RASA2: variants seen among roughly 807,000 people sequenced by gnomAD.
The protein encoded by RASA2 is RAS p21 protein activator 2.
Under a neutral mutation model 118.2 loss-of-function variants are expected in RASA2, and 155 were observed. The ratio of observed to expected loss-of-function variants is 1.31; its 90% CI spans 1.15 to 1.50. RASA2 has a LOEUF of 1.50. Ranked by LOEUF, RASA2 falls within the 40% of genes most tolerant of loss-of-function variation. The pLI is 0.00. For synonymous variants in RASA2, 353 were observed against 349.1 expected (o/e 1.01, Z -0.12); for missense variants, 1,016 against 1,009.6 (o/e 1.01, Z -0.09).
chr3:141,571,575 A>G, intron 11 of RASA2, 21 bp downstream of exon 11: 1 of 1,574,988 alleles, frequency 6.3e-7, no homozygotes, highest in Non-Finnish European at 8.6e-7. Flanking sequence ...TATTTTATTA[A>G]ATGTTAATTA....
intron 14 of RASA2, among the ~76,000 whole-genome samples, chr3:141,575,861 C>A (rs946045766): frequency 6.6e-6 from 1 of 152,142 alleles, no homozygotes; most frequent in Admixed American, 6.5e-5. Context: ...ATGGCACAAT[C>A]TCGGCTCACT....
intron 17 of RASA2, among the ~76,000 whole-genome samples, chr3:141,584,280 G>A (rs1249953754): frequency 1.4e-5 from 2 of 138,350 alleles, no homozygotes; most frequent in East Asian, 2.2e-4. Context: ...GAAGTGAGCC[G>A]AGATCGCACC....
Position 141,559,969 on chromosome 3 carries a change from A to G in RASA2, c.837A>G (p.Leu279=). ...LGEIKVPVNV[L]RTDSSHQAWY... The stretch of plus-strand genomic sequence containing the variant: ...AGATTAAGGTTCCTGTGAACGTATT[A>G]AGAACTGATTCCTCTCATCAAGCCT... The change falls in exon 9 of 24, where the codon TTA becomes TTG. Residue 279 remains leucine (L), a synonymous_variant. Transcript: ENST00000286364. 6.2e-7 allele frequency: 1 copy of G among 1,613,188 alleles called. No individual in the cohort carries two copies. The highest frequency in any genetic ancestry group is 8.5e-7 in the Non-Finnish European group (1 of 1,179,326).
At chr3:141,534,626 T>G (rs2151097814) in intron 4 of RASA2, among the ~76,000 whole-genome samples, 1 of 152,166 alleles carries the variant, frequency 6.6e-6, no homozygotes, top group East Asian at 1.9e-4. Context: ...CTTACCTGTT[T>G]AAAAAGACAT....
chr3:141,517,945 G>C (rs1009588608), intron 3 of RASA2, among the ~76,000 whole-genome samples: 1 of 152,034 alleles, frequency 6.6e-6, no homozygotes, highest in African/African-American at 2.4e-5. Flanking sequence ...GTCAGCCACT[G>C]CTCCCGGCCA....
chr3:141,533,154 C>G (rs1255644044), intron 4 of RASA2, among the ~76,000 whole-genome samples: 1 of 152,132 alleles, frequency 6.6e-6, no homozygotes, highest in Non-Finnish European at 1.5e-5. Context: ...GCTTCCTCAC[C>G]TCCAACATCT....
Position 141,557,090 on chromosome 3 carries a change from G to A in RASA2, c.684+1178G>A, listed in dbSNP as rs189891529. 1.4e-3 allele frequency among the ~76,000 whole-genome samples: 217 copies of A among 152,234 alleles called. 2 individuals are homozygous for A. The South Asian group carries it at 0.018, about 12-fold the overall frequency. ...AGCCCACATACCTTAAACCTCAGCTGGATGGAATCTACTCTGCTTCATGGA... is the reference window on the plus strand; with the variant it reads ...AGCCCACATACCTTAAACCTCAGCTAGATGGAATCTACTCTGCTTCATGGA... On this transcript the variant is annotated intron_variant, in intron 7 of 23. Coordinates refer to ENST00000286364, the MANE Select transcript of RASA2 (RefSeq NM_006506.5).
At chr3:141,586,813 C>A in intron 19 of RASA2, 61 bp downstream of exon 19, 2 of 1,348,064 alleles carry the variant, frequency 1.5e-6, no homozygotes, top group South Asian at 1.2e-5. Context: ...GTTTCTTTGC[C>A]GCTTATTGTG....
chr3:141,594,518 T>C (rs1169533140), intron 19 of RASA2, among the ~76,000 whole-genome samples: 1 of 151,852 alleles, frequency 6.6e-6, no homozygotes, highest in Non-Finnish European at 1.5e-5. Flanking sequence ...AGAGAAAATC[T>C]TGCAAGCAGA....
At chr3:141,556,261 A>G (rs1282077813) in intron 7 of RASA2, among the ~76,000 whole-genome samples, 1 of 152,178 alleles carries the variant, frequency 6.6e-6, no homozygotes, top group African/African-American at 2.4e-5. Flanking sequence ...GACAGTCACT[A>G]GTGAAGTAAG....
At chr3:141,565,089 G>A (rs142219991) in intron 9 of RASA2, among the ~76,000 whole-genome samples, 2,015 of 152,118 alleles carry the variant, frequency 0.013, 59 homozygotes, top group African/African-American at 0.046. Flanking sequence ...GGGTTCAAGC[G>A]ATTCTCCTGC....
At chr3:141,520,982 G>T (rs1332118598) in intron 3 of RASA2, among the ~76,000 whole-genome samples, 2 of 152,156 alleles carry the variant, frequency 1.3e-5, no homozygotes, top group South Asian at 2.1e-4. Context: ...AGTTTAAAAT[G>T]GTCTTGTTTG....
chr3:141,597,704 C>G (rs2083395012), intron 19 of RASA2, among the ~76,000 whole-genome samples: 1 of 150,750 alleles, frequency 6.6e-6, no homozygotes, highest in African/African-American at 2.4e-5. Flanking sequence ...AGAAAATAAA[C>G]CTAAAGTTAA....
Position 141,609,433 on chromosome 3 carries a change from G to A in RASA2, c.2239G>A (p.Asp747Asn). 1.9e-6 allele frequency: 3 copies of A among 1,584,610 alleles called. No individual in the cohort carries two copies. The highest frequency in any genetic ancestry group is 1.7e-6 in the Non-Finnish European group (2 of 1,161,300). Residue 747 changes from aspartate to asparagine, a missense_variant, in exon 22 of 24, where the codon GAC becomes AAC. By Grantham distance (23) the Asp-to-Asn change is conservative. This residue lies in a region of RASA2 where 120 missense variants were observed against 173.2 expected (regional missense o/e 0.69). Coordinates refer to ENST00000286364, the MANE Select transcript of RASA2 (RefSeq NM_006506.5). ...TTTTTACCATAGAGGTGTCCCTGCA[G>A]ACATCCAAATAGATATTGATGAAGA... Reference protein sequence around the residue: ...CKPCTAGVPADIQIDIDEDRE... With the variant: ...CKPCTAGVPANIQIDIDEDRE...
Position 141,610,444 on chromosome 3 carries a change from T to G in RASA2, c.2519+378T>G, listed in dbSNP as rs1231772754. On this transcript the variant is annotated intron_variant, in intron 23 of 23. Coordinates refer to ENST00000286364, the MANE Select transcript of RASA2 (RefSeq NM_006506.5). Reference sequence around the variant, plus strand: ...TATATATTATATATTTATATTTATATATTATATATTTATATTTATATATTA... The same window carrying G: ...TATATATTATATATTTATATTTATAGATTATATATTTATATTTATATATTA... Among the ~76,000 whole-genome samples, 8 of 105,664 alleles carry G rather than the reference T, an allele frequency of 7.6e-5. 1 individual carries two copies. Among genetic ancestry groups the G allele is most frequent in the South Asian group, 5.2e-4 (2 of 3,858 alleles). 69.3% of individuals were successfully genotyped at this position (105,664 alleles called of 152,430 possible).
At chr3:141,489,106 A>G (rs2081610486) in intron 1 of RASA2, among the ~76,000 whole-genome samples, 2 of 152,236 alleles carry the variant, frequency 1.3e-5, no homozygotes, top group Non-Finnish European at 2.9e-5. Context: ...TTGATCATCC[A>G]GCTGCTGGGA....
rs907255669 is a variant in RASA2 at position 141,523,837 on chromosome 3, A to G, written c.356-5871A>G. On this transcript the variant is annotated intron_variant, in intron 3 of 23. Coordinates refer to ENST00000286364, the MANE Select transcript of RASA2 (RefSeq NM_006506.5). Reference sequence around the variant, plus strand: ...GAATACCAGTCATGACTATGTCACTATCTATCTATGTGATCTTCATTGAGT... The same window carrying G: ...GAATACCAGTCATGACTATGTCACTGTCTATCTATGTGATCTTCATTGAGT... 1.1e-4 allele frequency among the ~76,000 whole-genome samples: 16 copies of G among 152,324 alleles called. No homozygotes were observed. The East Asian group carries it at 1.4e-3, about 13-fold the overall frequency.
chr3:141,503,032 T>G (rs762389218), intron 1 of RASA2, among the ~76,000 whole-genome samples: 4 of 152,218 alleles, frequency 2.6e-5, no homozygotes, highest in Non-Finnish European at 4.4e-5. Context: ...GAATTTTTTT[T>G]TCTTAATTTA....
intron 2 of RASA2, among the ~76,000 whole-genome samples, chr3:141,512,552 A>AG (rs1343436697): frequency 6.6e-5 from 10 of 152,208 alleles, no homozygotes; most frequent in African/African-American, 2.4e-4. Flanking sequence ...CTAAAGAATA[A>AG]GTTACTTAAA....
Sources: gnomAD v4.1 joint callset for allele counts (sites outside exome capture counted in the v4.1 genomes callset) on GRCh38, gnomAD v4.1.1 for gene constraint, gnomAD v4.1.1 regional missense constraint, MANE v1.5 for transcripts, NCBI Gene and HGNC (gene_info 2026-07-23, HGNC 2026-07-21) for gene names.